Variants in SLC44A5 observed in about 807,000 individuals in gnomAD.
SLC44A5 encodes choline transporter-like protein 5.
A neutral mutation model predicts 101.8 loss-of-function variants in SLC44A5; 57 were observed. The ratio of observed to expected loss-of-function variants is 0.56; its 90% CI spans 0.45 to 0.70. The LOEUF (loss-of-function observed/expected upper bound fraction) is 0.70. Ranked by LOEUF, SLC44A5 falls within the 30% of genes least tolerant of loss-of-function variation. SLC44A5 has a pLI of 0.00. For synonymous variants in SLC44A5, 281 were observed against 290.9 expected (o/e 0.97, Z 0.35); for missense variants, 737 against 853.1 (o/e 0.86, Z 1.70).
intron 6 of SLC44A5, among the ~76,000 whole-genome samples, chr1:75,264,551 G>T (rs543006913): frequency 6.6e-6 from 1 of 152,174 alleles, no homozygotes; most frequent in Non-Finnish European, 1.5e-5. Context: ...TGACCGTTAG[G>T]TCAAGAAAGA....
chr1:75,460,721 A>G lies in SLC44A5; in HGVS notation c.14-64100T>C, dbSNP rs557096859. 3.7e-4 allele frequency among the ~76,000 whole-genome samples: 57 copies of G among 152,230 alleles called. 1 individual carries two copies. The South Asian group carries it at 9.7e-3, about 26-fold the overall frequency. On this transcript the variant is annotated intron_variant, in intron 2 of 23. Coordinates refer to ENST00000370859, the MANE Select transcript of SLC44A5 (RefSeq NM_001130058.2). ...ACATTGGAATTGAAATATCCCCCAA[A>G]TCTCTACTGATATTATTGCTATTTT... is the stretch of plus-strand genomic sequence containing the variant.
At chr1:75,295,621 C>T (rs763659292) in intron 5 of SLC44A5, among the ~76,000 whole-genome samples, 11 of 152,180 alleles carry the variant, frequency 7.2e-5, no homozygotes, top group Non-Finnish European at 1.5e-4. Context: ...TGGATGCAGC[C>T]ATTCTGACCC....
intron 23 of SLC44A5, chr1:75,204,349 A>G (rs1646713811): frequency 6.6e-6 from 1 of 152,204 alleles, no homozygotes; most frequent in African/African-American, 2.4e-5. Flanking sequence ...CTCAAAAACA[A>G]TGCTCATTTT....
At chr1:75,624,340 A>C in the SLC44A5 span, among the ~76,000 whole-genome samples, 2 of 152,204 alleles carry the variant, frequency 1.3e-5, no homozygotes, top group Non-Finnish European at 2.9e-5. Context: ...TGCAATGCCC[A>C]ATGTAATAAC....
intron 3 of SLC44A5, among the ~76,000 whole-genome samples, chr1:75,348,266 G>A (rs1658399532): frequency 6.6e-6 from 1 of 151,918 alleles, no homozygotes; most frequent in Admixed American, 6.6e-5. Context: ...AAAAATATCA[G>A]GCCAAAATAC....
intron 2 of SLC44A5, among the ~76,000 whole-genome samples, chr1:75,526,874 C>G (rs565931872): frequency 8.6e-4 from 131 of 152,254 alleles, no homozygotes; most frequent in Non-Finnish European, 1.4e-3. Flanking sequence ...GTGGCTCACA[C>G]CTGTAATCCC....
intron 2 of SLC44A5, among the ~76,000 whole-genome samples, chr1:75,532,019 T>C (rs564744660): frequency 6.6e-6 from 1 of 152,156 alleles, no homozygotes; most frequent in African/African-American, 2.4e-5. Flanking sequence ...ACCATCAGCA[T>C]CACCTGGAAA....
At chr1:75,696,709 C>T in the SLC44A5 span, among the ~76,000 whole-genome samples, 1 of 151,566 alleles carries the variant, frequency 6.6e-6, no homozygotes, top group Non-Finnish European at 1.5e-5. Flanking sequence ...TCCTGGCTAA[C>T]ATGGTGAAAC....
the SLC44A5 span, among the ~76,000 whole-genome samples, chr1:75,664,687 C>A: frequency 6.6e-6 from 1 of 151,856 alleles, no homozygotes; most frequent in African/African-American, 2.4e-5. Flanking sequence ...TTTGGGAGGC[C>A]GAGGCAAGTG....
rs140786283 is a variant in SLC44A5, at chr1:75,442,552, A to G, written c.14-45931T>C. On this transcript the variant is annotated intron_variant, in intron 2 of 23. Transcript: ENST00000370859. ...AGATGCCTCATTCTCCACCCTTGAT[A>G]TCTTCTTCAGGAAGAATACTTTCAA... Among the ~76,000 whole-genome samples the G allele has an allele frequency of 3.1e-3, 477 of 152,224 alleles. 4 individuals are homozygous for G. The highest frequency in any genetic ancestry group is 0.011 in the African/African-American group (450 of 41,542).
intron 12 of SLC44A5, among the ~76,000 whole-genome samples, chr1:75,233,466 C>CAGTA (rs2100567123): frequency 6.6e-6 from 1 of 151,678 alleles, no homozygotes; most frequent in Non-Finnish European, 1.5e-5. Flanking sequence ...CTCCCACAGA[C>CAGTA]AGTACTGTAA....
chr1:75,406,642 C>T (rs149505313), intron 2 of SLC44A5, among the ~76,000 whole-genome samples: 4 of 152,178 alleles, frequency 2.6e-5, no homozygotes, highest in African/African-American at 9.6e-5. Flanking sequence ...GCAGAAAAGG[C>T]CTTCAACAAA....
At chr1:75,545,016 C>T (rs974286435) in intron 1 of SLC44A5, among the ~76,000 whole-genome samples, 1 of 152,054 alleles carries the variant, frequency 6.6e-6, no homozygotes, top group African/African-American at 2.4e-5. Flanking sequence ...TAGCCCCCCA[C>T]CCTCCAAAAG....
chr1:75,631,006 C>T, the SLC44A5 span, among the ~76,000 whole-genome samples: 5 of 152,164 alleles, frequency 3.3e-5, no homozygotes, highest in African/African-American at 9.7e-5. Context: ...TCCACTTCTC[C>T]GAGCATGCTC....
intron 2 of SLC44A5, among the ~76,000 whole-genome samples, chr1:75,414,350 C>A (rs560315479): frequency 1.3e-5 from 2 of 151,706 alleles, no homozygotes; most frequent in Admixed American, 1.3e-4. Flanking sequence ...CACACACACA[C>A]ACACACATAT....
At chr1:75,263,337 TC>T (rs1292752847) in intron 6 of SLC44A5, among the ~76,000 whole-genome samples, 4 of 152,192 alleles carry the variant, frequency 2.6e-5, no homozygotes, top group Non-Finnish European at 5.9e-5. Flanking sequence ...AACAGACACT[TC>T]TTAGAAGAAG....
chr1:75,700,891 A>C, the SLC44A5 span, among the ~76,000 whole-genome samples: 1 of 152,234 alleles, frequency 6.6e-6, no homozygotes, highest in African/African-American at 2.4e-5. Flanking sequence ...CTATGCAAAT[A>C]AACTGGAAAA....
the SLC44A5 span, among the ~76,000 whole-genome samples, chr1:75,617,119 G>C: frequency 6.6e-6 from 1 of 152,146 alleles, no homozygotes; most frequent in East Asian, 1.9e-4. Flanking sequence ...TTAAAGGGTA[G>C]GGTAGGGAGA....
intron 2 of SLC44A5, among the ~76,000 whole-genome samples, chr1:75,525,713 T>C (rs1670370701): frequency 6.6e-6 from 1 of 152,164 alleles, no homozygotes; most frequent in Non-Finnish European, 1.5e-5. Flanking sequence ...TTATCATGTG[T>C]GTGGGTATAA....
Sources: allele counts gnomAD v4.1 joint callset (sites outside exome capture counted in the v4.1 genomes callset), GRCh38; gene constraint gnomAD v4.1.1; transcripts MANE v1.5; gene names NCBI Gene and HGNC (gene_info 2026-07-23, HGNC 2026-07-21).